Variants in UBR1 observed in about 807,000 individuals in gnomAD.
UBR1 encodes ubiquitin protein ligase E3 component n-recognin 1.
In UBR1, 102 loss-of-function variants were observed where a neutral mutation model predicts 242.1. That is an observed-to-expected ratio of 0.42 (90% CI 0.36 to 0.50). UBR1 has a LOEUF of 0.50. UBR1 is among the 20% of genes least tolerant of loss of function. The probability of loss-of-function intolerance (pLI) is 0.01; values close to 1 mark genes in which losing one functional copy is unlikely to be tolerated. For synonymous variants in UBR1, 675 were observed against 684.8 expected, an observed-to-expected ratio of 0.99 and a Z score of 0.22; for missense variants, 1,772 against 2,101.8, an observed-to-expected ratio of 0.84 and a Z score of 3.07.
At chr15:43,051,183 C>CAGTG (rs1026773257) in intron 12 of UBR1, among the ~76,000 whole-genome samples, 3 of 152,188 alleles carry the variant, frequency 2.0e-5, no homozygotes, top group Non-Finnish European at 2.9e-5. Context: ...AAATGCCCAT[C>CAGTG]AGTGATAGAC....
chr15:42,965,086 A>G (rs2032083701), intron 41 of UBR1, among the ~76,000 whole-genome samples: 1 of 152,176 alleles, frequency 6.6e-6, no homozygotes, highest in Non-Finnish European at 1.5e-5. Context: ...TTTGTATGTG[A>G]GCAAACAACA....
At chr15:43,066,785 T>G (rs2033757442) in intron 6 of UBR1, among the ~76,000 whole-genome samples, 1 of 152,094 alleles carries the variant, frequency 6.6e-6, no homozygotes, top group South Asian at 2.1e-4. Context: ...AAATTTGCAT[T>G]GTTTTGTTTT....
chr15:43,037,623 T>C (rs1173924859), intron 17 of UBR1, 150 bp downstream of exon 17: 2 of 685,632 alleles, frequency 2.9e-6, no homozygotes, highest in East Asian at 2.7e-5. Flanking sequence ...AATGTCTATA[T>C]AGTTCCTAGA....
At chr15:43,022,922 G>T (rs781252372) in intron 25 of UBR1, 121 bp from the exon 26 acceptor site, 8 of 598,538 alleles carry the variant, frequency 1.3e-5, no homozygotes, top group Non-Finnish European at 2.0e-5. Flanking sequence ...GAGTGCAGTG[G>T]GGCAATCCTA....
At chr15:43,058,933 C>A in intron 9 of UBR1, 152 bp downstream of exon 9, 1 of 706,246 alleles carries the variant, frequency 1.4e-6, no homozygotes. Flanking sequence ...TACATACTGA[C>A]TGGTTAAACT....
At position 43,048,402 on chromosome 15, in the gene UBR1, G is replaced by T. The variant is rs763148886; in HGVS notation, c.1529C>A (p.Thr510Asn). Residue 510 changes from threonine (T) to asparagine (N), a missense_variant, in exon 13 of 47, where the codon ACC (threonine) becomes AAC (asparagine). By Grantham distance (65) the Thr-to-Asn change is moderately conservative. Coordinates refer to ENST00000290650, the MANE Select transcript of UBR1 (RefSeq NM_174916.3). ...EGFRSFLKILTCMQGMEEIRR... is the reference protein window; with the variant it reads ...EGFRSFLKILNCMQGMEEIRR... ...GAAAAATGATCATACCTGCATACAG[G>T]TAAGAATCTTCAAAAAAGATCGAAA... 1.2e-6 allele frequency: 2 copies of T among 1,611,788 alleles called. No individual in the cohort carries two copies. The highest frequency in any genetic ancestry group is 2.7e-5 in the African/African-American group (2 of 74,820).
chr15:42,965,534 G>A (rs2032092083), intron 41 of UBR1, among the ~76,000 whole-genome samples: 1 of 151,476 alleles, frequency 6.6e-6, no homozygotes, highest in Non-Finnish European at 1.5e-5. Flanking sequence ...CGCAATCTCG[G>A]CTCACTGCAA....
chr15:43,017,590 A>G (rs2033045542), intron 27 of UBR1, among the ~76,000 whole-genome samples: 1 of 152,178 alleles, frequency 6.6e-6, no homozygotes, highest in East Asian at 1.9e-4. Flanking sequence ...CAGGTGGATC[A>G]CCTGAGGTCA....
intron 29 of UBR1, among the ~76,000 whole-genome samples, chr15:43,014,697 G>T (rs1368987576): frequency 6.6e-6 from 1 of 151,384 alleles, no homozygotes. Flanking sequence ...CACCCCATCT[G>T]AGAAGTGAGG....
chr15:42,950,336 A>G lies in UBR1; in HGVS notation c.5034T>C (p.Val1678=), dbSNP rs147089181. ...LKIRECRVVL[V]EGKARGCAYP... is the part of the protein sequence containing the mutation. ...AGGCACAGCCTCTGGCTTTACCTTCAACCAGGACCACTCGGCATTCTCTGA... is the reference window on the plus strand; with the variant it reads ...AGGCACAGCCTCTGGCTTTACCTTCGACCAGGACCACTCGGCATTCTCTGA... The change falls in exon 46 of 47, where the codon GTT becomes GTC. Residue 1678 remains valine (V), a synonymous_variant. Coordinates refer to ENST00000290650, the MANE Select transcript of UBR1 (RefSeq NM_174916.3). 51 of 1,614,054 alleles carry G rather than the reference A, an allele frequency of 3.2e-5. No homozygotes were observed. The highest frequency in any genetic ancestry group is 3.8e-5 in the Non-Finnish European group (45 of 1,180,024).
intron 32 of UBR1, 148 bp downstream of exon 32, chr15:43,002,407 G>T: frequency 2.3e-6 from 2 of 874,148 alleles, no homozygotes; most frequent in South Asian, 1.7e-5. Flanking sequence ...TTTTTGTAGA[G>T]ATGGGGTTTT....
At chr15:43,059,657 A>G (rs1453143896) in intron 8 of UBR1, 45 bp downstream of exon 8, 3 of 1,612,424 alleles carry the variant, frequency 1.9e-6, no homozygotes, top group African/African-American at 1.3e-5. Context: ...GCTATAAAAC[A>G]CATAGTATTT....
intron 46 of UBR1, 22 bp from the exon 47 acceptor site, chr15:42,945,492 C>A: frequency 6.2e-7 from 1 of 1,613,440 alleles, no homozygotes; most frequent in Non-Finnish European, 8.5e-7. Context: ...AAAGAAAAAA[C>A]AACATGTAAG....
At chr15:43,103,044 T>C (rs2034257469) in intron 1 of UBR1, among the ~76,000 whole-genome samples, 1 of 152,212 alleles carries the variant, frequency 6.6e-6, no homozygotes, top group African/African-American at 2.4e-5. Context: ...GGAACACACC[T>C]GTAATTCCAG....
chr15:43,026,981 G>T (rs2033186524), intron 22 of UBR1, among the ~76,000 whole-genome samples: 1 of 151,984 alleles, frequency 6.6e-6, no homozygotes, highest in Non-Finnish European at 1.5e-5. Flanking sequence ...ATGCCTAAAG[G>T]TTGTCTGTTC....
At chr15:43,024,541 T>A (rs376257063) in intron 25 of UBR1, among the ~76,000 whole-genome samples, 1 of 152,258 alleles carries the variant, frequency 6.6e-6, no homozygotes, top group East Asian at 1.9e-4. Flanking sequence ...CAAGTAAAAT[T>A]AAAAATATAA....
chr15:43,074,852 C>A, intron 4 of UBR1, 127 bp downstream of exon 4: 1 of 784,212 alleles, frequency 1.3e-6, no homozygotes, highest in South Asian at 1.5e-5. Context: ...AAAAAGCCTC[C>A]TTACACCTAA....
chr15:42,959,314 C>T (rs764332664), intron 43 of UBR1, among the ~76,000 whole-genome samples: 45 of 152,234 alleles, frequency 3.0e-4, no homozygotes, highest in Non-Finnish European at 5.3e-4. Flanking sequence ...GTCTCAGGCT[C>T]CTGAGTAGCT....
In UBR1 at chr15:43,047,492, T is replaced by C. The variant is rs1187177215; in HGVS notation, c.1540-203A>G. On this transcript the variant is annotated intron_variant, in intron 13 of 46. Coordinates refer to ENST00000290650, the MANE Select transcript of UBR1 (RefSeq NM_174916.3). ...GCAAAGCCCAGCTCTGTCTGGTATT[T>C]CTAGCTGTGTGACCCTGGGCAAATT... 2.0e-5 allele frequency among the ~76,000 whole-genome samples: 3 copies of C among 152,230 alleles called. No individual in the cohort carries two copies. The East Asian group carries it at 5.8e-4, about 29-fold the overall frequency.
Sources: gnomAD v4.1 joint callset for allele counts (sites outside exome capture counted in the v4.1 genomes callset) on GRCh38, gnomAD v4.1.1 for gene constraint, MANE v1.5 for transcripts, NCBI Gene and HGNC (gene_info 2026-07-23, HGNC 2026-07-21) for gene names.